The following RORA variants were observed in gnomAD, a reference collection of about 807,000 sequenced individuals.
RORA encodes the protein nuclear receptor ROR-alpha.
A neutral mutation model predicts 69.5 loss-of-function variants in RORA; 7 were observed. The observed-to-expected ratio is 0.10, with a 90% CI of 0.06 to 0.19. The LOEUF (loss-of-function observed/expected upper bound fraction) is 0.19. Among genes scored for constraint, RORA ranks in the 10% least tolerant of loss-of-function variants. The probability of loss-of-function intolerance (pLI) is 1.00; values close to 1 mark genes in which losing one functional copy is unlikely to be tolerated. For synonymous variants in RORA, 261 were observed against 240.8 expected (o/e 1.08, Z -0.78); for missense variants, 457 against 663.0 (o/e 0.69, Z 3.41).
intron 1 of RORA, chr15:60,841,096 A>AT (rs2073191815): frequency 1.0e-6 from 1 of 985,116 alleles, no homozygotes; most frequent in East Asian, 1.1e-4. Flanking sequence ...CCCCGTGAGC[A>AT]TTTTTTCAGC....
chr15:60,805,601 C>T (rs1463730187), intron 1 of RORA, among the ~76,000 whole-genome samples: 1 of 152,176 alleles, frequency 6.6e-6, no homozygotes, highest in Non-Finnish European at 1.5e-5. Flanking sequence ...TTATGTAAAA[C>T]ACTTAACACC....
chr15:60,922,346 T>C (rs1892073369), intron 1 of RORA, among the ~76,000 whole-genome samples: 1 of 152,154 alleles, frequency 6.6e-6, no homozygotes, highest in African/African-American at 2.4e-5. Flanking sequence ...ATGATGTTGG[T>C]TCATTGATTA....
intron 1 of RORA, among the ~76,000 whole-genome samples, chr15:61,178,887 C>T (rs8024460): frequency 0.98 from 150,019 of 152,318 alleles, 73,927 homozygotes; most frequent in Middle Eastern, 1. Flanking sequence ...AAAATATCTT[C>T]TGATGGGGTA....
chr15:61,091,166 G>A (rs2078700923), intron 1 of RORA, among the ~76,000 whole-genome samples: 2 of 152,128 alleles, frequency 1.3e-5, no homozygotes, highest in South Asian at 4.1e-4. Context: ...ACTCTTTAGA[G>A]CTCTGCATTA....
intron 2 of RORA, among the ~76,000 whole-genome samples, chr15:60,561,827 G>A (rs2067568988): frequency 6.6e-6 from 1 of 152,094 alleles, no homozygotes; most frequent in African/African-American, 2.4e-5. Context: ...AGGGGTGGTG[G>A]TGGGGGACTA....
Position 60,581,620 on chromosome 15 carries a change from A to G in RORA, c.197-49769T>C, listed in dbSNP as rs542085731. On this transcript the variant is annotated intron_variant, in intron 2 of 10. Transcript: ENST00000335670. ...GCTCTAATTTCATTTACCAGCTCCC[A>G]TCAGATTTTCTTTTCAAACTCCTTT... Among the ~76,000 whole-genome samples the G allele has an allele frequency of 1.5e-3, 231 of 152,348 alleles. 1 individual carries two copies. Among genetic ancestry groups the G allele is most frequent in the South Asian group, 2.9e-3 (14 of 4,832 alleles).
At chr15:60,682,338 G>T (rs923212853) in intron 1 of RORA, 1 of 152,194 alleles carries the variant, frequency 6.6e-6, no homozygotes, top group African/African-American at 2.4e-5. Context: ...CTGACTCATG[G>T]CCTAGGACTC....
intron 1 of RORA, among the ~76,000 whole-genome samples, chr15:60,781,013 G>T (rs1380934028): frequency 6.6e-6 from 1 of 152,112 alleles, no homozygotes; most frequent in Non-Finnish European, 1.5e-5. Context: ...TTCACAGATG[G>T]GGAACTAAGA....
At chr15:60,602,622 C>CATAGTGTAATA (rs2068845575) in intron 2 of RORA, among the ~76,000 whole-genome samples, 1 of 152,192 alleles carries the variant, frequency 6.6e-6, no homozygotes, top group African/African-American at 2.4e-5. Flanking sequence ...TAAATTACTA[C>CATAGTGTAATA]ATAGTGGTTA....
intron 1 of RORA, among the ~76,000 whole-genome samples, chr15:60,708,942 C>T (rs1345423026): frequency 2.6e-5 from 4 of 152,148 alleles, no homozygotes; most frequent in Admixed American, 6.5e-5. Flanking sequence ...ACCACAGCCA[C>T]GCAGGACCAA....
At chr15:61,055,160 T>C (rs1006891825) in intron 1 of RORA, among the ~76,000 whole-genome samples, 3 of 151,590 alleles carry the variant, frequency 2.0e-5, no homozygotes, top group African/African-American at 7.3e-5. Flanking sequence ...TGAACTTATC[T>C]GGTTAAGTAC....
Position 60,816,079 on chromosome 15 carries a change from T to C in RORA, c.167-137393A>G, listed in dbSNP as rs1054791199. Among the ~76,000 whole-genome samples, 9 of 133,530 alleles carry C rather than the reference T, an allele frequency of 6.7e-5. No homozygotes were observed. The East Asian group carries it at 1.5e-3, about 22-fold the overall frequency. 87.6% of individuals were successfully genotyped at this position (133,530 alleles called of 152,430 possible). ...ATGTATTTATATACTATAAACAGTA[T>C]ATGTATACTGTAAACAGTATATGTA... On this transcript the variant is annotated intron_variant, in intron 1 of 10. Coordinates refer to ENST00000335670, the MANE Select transcript of RORA (RefSeq NM_134261.3).
chr15:61,135,001 C>G (rs2079223178), intron 1 of RORA, among the ~76,000 whole-genome samples: 1 of 152,054 alleles, frequency 6.6e-6, no homozygotes. Flanking sequence ...GTCCAACATA[C>G]CACTGTCCTG....
intron 2 of RORA, among the ~76,000 whole-genome samples, chr15:60,573,563 GAAC>G (rs1422852966): frequency 1.3e-5 from 2 of 152,172 alleles, no homozygotes; most frequent in African/African-American, 4.8e-5. Context: ...TCAGTAGAAA[GAAC>G]AACTCCCGTA....
At chr15:60,910,494 C>T (rs1891674377) in intron 1 of RORA, among the ~76,000 whole-genome samples, 1 of 152,094 alleles carries the variant, frequency 6.6e-6, no homozygotes, top group Non-Finnish European at 1.5e-5. Flanking sequence ...TAGTGAAATA[C>T]TCCTCTTATT....
In RORA at chr15:60,493,957, A is replaced by T. The variant is rs1466368992; in HGVS notation, c.*3498T>A. The T allele has an allele frequency of 1.9e-5, 2 of 105,578 alleles. No homozygotes were observed. The highest frequency in any genetic ancestry group is 2.1e-5 in the Non-Finnish European group (1 of 48,392). The allele number at this position is 105,578 out of a possible 1,614,324, so 6.5% of individuals were successfully genotyped here. ...CATCATACACATGCAAATCACACAC[A>T]CACACACACACACACACACACACAC... On this transcript the variant is annotated 3_prime_UTR_variant, in exon 11 of 11. Transcript: ENST00000335670.
At chr15:61,040,113 G>GATATATATATATATAT (rs60830259) in intron 1 of RORA, among the ~76,000 whole-genome samples, 1 of 46,308 alleles carries the variant, frequency 2.2e-5, no homozygotes, top group Non-Finnish European at 4.1e-5. Flanking sequence ...CACAAGCTTT[G>GATATATATATATATAT]ATATATATAT....
chr15:60,914,380 T>C (rs945689207), intron 1 of RORA, among the ~76,000 whole-genome samples: 8 of 152,112 alleles, frequency 5.3e-5, no homozygotes, highest in Non-Finnish European at 1.2e-4. Flanking sequence ...CACCATGCTT[T>C]GTGAGAACCA....
chr15:60,627,328 C>G (rs1413457790), intron 2 of RORA: 1 of 1,614,220 alleles, frequency 6.2e-7, no homozygotes, highest in South Asian at 1.1e-5. Flanking sequence ...CCACGGCACT[C>G]TTGCCTCAGT....
Sources: allele counts gnomAD v4.1 joint callset (sites outside exome capture counted in the v4.1 genomes callset), GRCh38; gene constraint gnomAD v4.1.1; transcripts MANE v1.5; gene names NCBI Gene and HGNC (gene_info 2026-07-23, HGNC 2026-07-21).